The following SLC2A13 variants were observed in gnomAD, a reference collection of about 807,000 sequenced individuals.
The protein encoded by SLC2A13 is proton myo-inositol cotransporter.
SLC2A13 carries 32 observed loss-of-function variants against 64.4 expected under a neutral mutation model. The observed-to-expected ratio is 0.50, with a 90% CI of 0.37 to 0.67. The LOEUF (loss-of-function observed/expected upper bound fraction) is 0.67, where lower values mean the gene tolerates loss of function less well. Among genes scored for constraint, SLC2A13 ranks in the 30% least tolerant of loss-of-function variants. The pLI, the probability that SLC2A13 is intolerant of heterozygous loss-of-function variation, is 0.00. For missense variants in SLC2A13, 743 were observed against 829.2 expected (o/e 0.90, Z 1.28); for synonymous variants, 338 against 327.1 (o/e 1.03, Z -0.36).
At chr12:40,075,721 T>G (rs768954207) in intron 1 of SLC2A13, among the ~76,000 whole-genome samples, 3 of 152,204 alleles carry the variant, frequency 2.0e-5, no homozygotes, top group Non-Finnish European at 2.9e-5. Context: ...TCTGGCATTA[T>G]GCTGACACAA....
intron 4 of SLC2A13, among the ~76,000 whole-genome samples, chr12:39,881,013 GTGATT>G (rs1944324708): frequency 6.6e-6 from 1 of 152,180 alleles, no homozygotes; most frequent in African/African-American, 2.4e-5. Context: ...CAGGTTACAT[GTGATT>G]GTTCCCAAAC....
intron 3 of SLC2A13, among the ~76,000 whole-genome samples, chr12:39,992,852 T>A (rs1311314564): frequency 1.3e-5 from 2 of 152,150 alleles, no homozygotes; most frequent in Admixed American, 1.3e-4. Context: ...ATTGACACAA[T>A]CAAATTACTA....
intron 4 of SLC2A13, among the ~76,000 whole-genome samples, chr12:39,918,524 T>C (rs1355221582): frequency 6.6e-6 from 1 of 152,044 alleles, no homozygotes. Context: ...AAACATGTTA[T>C]AGGGTGAAAA....
At chr12:39,936,583 C>T (rs1945921810) in intron 4 of SLC2A13, among the ~76,000 whole-genome samples, 1 of 152,106 alleles carries the variant, frequency 6.6e-6, no homozygotes, top group Non-Finnish European at 1.5e-5. Context: ...GATTCTGTTG[C>T]AAATAATATG....
chr12:39,940,810 T>C (rs1482136276), intron 4 of SLC2A13, among the ~76,000 whole-genome samples: 1 of 152,080 alleles, frequency 6.6e-6, no homozygotes, highest in Non-Finnish European at 1.5e-5. Context: ...GGTGCACCCA[T>C]CACCCAAGCA....
chr12:39,793,045 A>G (rs1941459617), intron 7 of SLC2A13, among the ~76,000 whole-genome samples: 2 of 152,148 alleles, frequency 1.3e-5, no homozygotes, highest in South Asian at 4.1e-4. Context: ...AAGATATAAA[A>G]CTATATTGTC....
At chr12:40,090,296 A>G (rs1228297061) in intron 1 of SLC2A13, among the ~76,000 whole-genome samples, 1 of 152,208 alleles carries the variant, frequency 6.6e-6, no homozygotes, top group Non-Finnish European at 1.5e-5. Flanking sequence ...GCTAGAAACT[A>G]GTCATGTTTA....
intron 4 of SLC2A13, among the ~76,000 whole-genome samples, chr12:39,922,267 T>G (rs1233634748): frequency 6.6e-6 from 1 of 152,244 alleles, no homozygotes; most frequent in Non-Finnish European, 1.5e-5. Context: ...TCTTTTCTGA[T>G]GTAACATCTA....
chr12:39,963,402 A>C (rs1164749378), intron 3 of SLC2A13, among the ~76,000 whole-genome samples: 3 of 152,184 alleles, frequency 2.0e-5, no homozygotes, highest in Admixed American at 2.0e-4. Flanking sequence ...TAGATTCATT[A>C]ACATAAAGAA....
chr12:39,851,160 A>G (rs1592204234), intron 6 of SLC2A13, among the ~76,000 whole-genome samples: 1 of 152,326 alleles, frequency 6.6e-6, no homozygotes, highest in African/African-American at 2.4e-5. Flanking sequence ...TTGGCCTCAC[A>G]AAGTGCTGAG....
chr12:39,932,118 A>G (rs1223899019), intron 4 of SLC2A13, among the ~76,000 whole-genome samples: 1 of 152,124 alleles, frequency 6.6e-6, no homozygotes, highest in Non-Finnish European at 1.5e-5. Context: ...TGCTGCTTTC[A>G]GTTTGGTGTT....
At chr12:39,974,784 A>T (rs1946732797) in intron 3 of SLC2A13, among the ~76,000 whole-genome samples, 1 of 152,222 alleles carries the variant, frequency 6.6e-6, no homozygotes, top group African/African-American at 2.4e-5. Context: ...TTACACTGTG[A>T]ATTTTGCAAT....
chr12:39,940,062 A>C (rs1457550544), intron 4 of SLC2A13, among the ~76,000 whole-genome samples: 1 of 152,166 alleles, frequency 6.6e-6, no homozygotes, highest in Non-Finnish European at 1.5e-5. Flanking sequence ...TGAGCCATAA[A>C]TCCTAACATT....
chr12:39,824,777 T>C (rs187890591), intron 7 of SLC2A13, among the ~76,000 whole-genome samples: 2 of 151,958 alleles, frequency 1.3e-5, no homozygotes, highest in East Asian at 1.9e-4. Context: ...CAGCAGGAGA[T>C]AGAATAAGCA....
intron 1 of SLC2A13, among the ~76,000 whole-genome samples, chr12:40,100,378 A>G (rs1222549903): frequency 1.3e-5 from 2 of 152,230 alleles, no homozygotes; most frequent in Admixed American, 6.5e-5. Context: ...AATAAGCAGT[A>G]GAATAAATGC....
intron 4 of SLC2A13, among the ~76,000 whole-genome samples, chr12:39,923,274 G>A (rs1042341242): frequency 6.6e-6 from 1 of 151,972 alleles, no homozygotes; most frequent in Non-Finnish European, 1.5e-5. Context: ...ACAAATGAAT[G>A]AATAAACAAA....
At chr12:39,932,712 C>T (rs543547879) in intron 4 of SLC2A13, among the ~76,000 whole-genome samples, 4 of 152,186 alleles carry the variant, frequency 2.6e-5, no homozygotes, top group East Asian at 3.9e-4. Context: ...TAAATTCAGA[C>T]GCAAGTGACA....
intron 4 of SLC2A13, among the ~76,000 whole-genome samples, chr12:39,920,628 C>A (rs923183261): frequency 6.6e-6 from 1 of 151,932 alleles, no homozygotes; most frequent in South Asian, 2.1e-4. Flanking sequence ...GGGTGAAGTC[C>A]GATGCTGAAT....
At chr12:40,051,330 C>T (rs921775074) in intron 1 of SLC2A13, among the ~76,000 whole-genome samples, 11 of 151,976 alleles carry the variant, frequency 7.2e-5, no homozygotes, top group Admixed American at 4.6e-4. Flanking sequence ...AAATGTGAGG[C>T]GGAATATGTG....
Sources: gnomAD v4.1 joint callset for allele counts (sites outside exome capture counted in the v4.1 genomes callset) on GRCh38, gnomAD v4.1.1 for gene constraint, MANE v1.5 for transcripts, NCBI Gene and HGNC (gene_info 2026-07-23, HGNC 2026-07-21) for gene names.